Variants in SP140L observed in about 807,000 individuals in gnomAD.
The protein encoded by SP140L is nuclear body protein SP140-like protein.
Under a neutral mutation model 84.3 loss-of-function variants are expected in SP140L, and 64 were observed. The observed-to-expected ratio is 0.76, with a 90% confidence interval of 0.62 to 0.94. The LOEUF (loss-of-function observed/expected upper bound fraction) is 0.94, where lower values mean the gene tolerates loss of function less well. Ranked by LOEUF, SP140L falls within the 40% of genes least tolerant of loss-of-function variation. The probability of loss-of-function intolerance (pLI) is 0.00; values close to 1 mark genes in which losing one functional copy is unlikely to be tolerated. For missense variants in SP140L, 628 were observed against 692.5 expected, an observed-to-expected ratio of 0.91 and a Z score of 1.05; for synonymous variants, 242 against 236.9, an observed-to-expected ratio of 1.02 and a Z score of -0.20.
At chr2:230,395,485 T>C (rs2062008870) in intron 13 of SP140L, among the ~76,000 whole-genome samples, 1 of 151,824 alleles carries the variant, frequency 6.6e-6, no homozygotes, top group African/African-American at 2.4e-5. Context: ...GAGGCTGAGG[T>C]GGGAGGATCA....
intron 5 of SP140L, among the ~76,000 whole-genome samples, chr2:230,362,889 A>G (rs910617246): frequency 7.7e-6 from 1 of 129,850 alleles, no homozygotes; most frequent in African/African-American, 3.3e-5. Flanking sequence ...AAGATACAGA[A>G]AAAAAAAAAA....
At chr2:230,376,103 T>G (rs2061233264) in intron 7 of SP140L, among the ~76,000 whole-genome samples, 1 of 152,182 alleles carries the variant, frequency 6.6e-6, no homozygotes, top group African/African-American at 2.4e-5. Flanking sequence ...GCCAAATATC[T>G]CATTTCATTA....
At chr2:230,395,039 C>T (rs915125905) in intron 13 of SP140L, among the ~76,000 whole-genome samples, 9 of 149,786 alleles carry the variant, frequency 6.0e-5, no homozygotes, top group African/African-American at 1.5e-4. Flanking sequence ...GACTGGAGTG[C>T]GGTGGAGCAA....
intron 2 of SP140L, among the ~76,000 whole-genome samples, chr2:230,357,548 A>G (rs2060584777): frequency 6.6e-6 from 1 of 152,194 alleles, no homozygotes; most frequent in Admixed American, 6.5e-5. Context: ...AGGTGAAGAT[A>G]TCTTTACAAT....
At chr2:230,346,395 GC>G (rs2060209926) in intron 2 of SP140L, among the ~76,000 whole-genome samples, 1 of 152,046 alleles carries the variant, frequency 6.6e-6, no homozygotes, top group Non-Finnish European at 1.5e-5. Context: ...GGAACTTTGG[GC>G]CTCAAGAACA....
chr2:230,403,021 C>A lies in SP140L; in HGVS notation c.*125C>A. 2 of 693,228 alleles carry A rather than the reference C, an allele frequency of 2.9e-6. No individual in the cohort carries two copies. The highest frequency in any genetic ancestry group is 4.8e-6 in the Non-Finnish European group (2 of 417,054). 42.9% of individuals were successfully genotyped at this position (693,228 alleles called of 1,614,324 possible). ...TTTTCTCTGAGCCTCCCTCATCTGC[C>A]CAAAAACAAATCCTCAAAAGAAATT... On this transcript the variant is annotated 3_prime_UTR_variant, in exon 19 of 19. Coordinates refer to ENST00000415673, the MANE Select transcript of SP140L (RefSeq NM_138402.6).
At chr2:230,337,732 C>A (rs2059919882) in intron 2 of SP140L, among the ~76,000 whole-genome samples, 1 of 151,946 alleles carries the variant, frequency 6.6e-6, no homozygotes, top group Non-Finnish European at 1.5e-5. Context: ...GTTTTCCCAG[C>A]ACCATTTATT....
intron 2 of SP140L, among the ~76,000 whole-genome samples, chr2:230,332,637 C>A (rs1285815528): frequency 6.6e-6 from 1 of 152,206 alleles, no homozygotes; most frequent in Non-Finnish European, 1.5e-5. Context: ...ATTTCCTTTC[C>A]TGTGCAACAT....
intron 14 of SP140L, among the ~76,000 whole-genome samples, chr2:230,397,228 A>G (rs946770404): frequency 6.6e-6 from 1 of 152,246 alleles, no homozygotes; most frequent in Non-Finnish European, 1.5e-5. Flanking sequence ...TCCAAGGTGC[A>G]GGTGGAGCGA....
At chr2:230,389,459 T>A (rs1409335957) in intron 10 of SP140L, among the ~76,000 whole-genome samples, 2 of 152,154 alleles carry the variant, frequency 1.3e-5, no homozygotes, top group Non-Finnish European at 2.9e-5. Context: ...AGGCAGGTGC[T>A]GTCTCCATTA....
At chr2:230,332,386 A>G (rs140654105) in intron 2 of SP140L, among the ~76,000 whole-genome samples, 2,123 of 152,306 alleles carry the variant, frequency 0.014, 21 homozygotes, top group Non-Finnish European at 0.019. Context: ...TTCCTTCTGT[A>G]CTTACTTCTG....
At chr2:230,394,789 C>T (rs1419140373) in intron 13 of SP140L, among the ~76,000 whole-genome samples, 1 of 152,188 alleles carries the variant, frequency 6.6e-6, no homozygotes, top group Non-Finnish European at 1.5e-5. Flanking sequence ...CTGTGCCTCT[C>T]AGAGCTTCTC....
rs748816721 is a variant in SP140L at position 230,386,225 on chromosome 2, G to A, written c.784+921G>A. Among the ~76,000 whole-genome samples, 5 of 152,264 alleles carry A rather than the reference G, an allele frequency of 3.3e-5. 1 individual carries two copies. In the South Asian group the frequency reaches 8.3e-4, roughly 25 times the overall value. On this transcript the variant is annotated intron_variant, in intron 9 of 18. Coordinates refer to ENST00000415673, the MANE Select transcript of SP140L (RefSeq NM_138402.6). ...GGACTGGTGCATTGTCCTAGGATGC[G>A]GGTGCTTGGAACTTGGGTAATCAAC...
rs1177396999 is a variant in SP140L at position 230,403,714 on chromosome 2, T to C, written c.*818T>C. 1 of 152,104 alleles carries C rather than the reference T, an allele frequency of 6.6e-6. No individual in the cohort carries two copies. Among genetic ancestry groups the C allele is most frequent in the Non-Finnish European group, 1.5e-5 (1 of 68,028 alleles). 9.4% of individuals were successfully genotyped at this position (152,104 alleles called of 1,614,324 possible). ...TCCTGTGCAAACATATATTATTAAA[T>C]TTTTTTTCCTCCTGTCAATCTACTT... On this transcript the variant is annotated 3_prime_UTR_variant, in exon 19 of 19. Transcript: ENST00000415673.
chr2:230,398,465 G>A (rs1245909576), intron 14 of SP140L, among the ~76,000 whole-genome samples: 1 of 152,242 alleles, frequency 6.6e-6, no homozygotes, highest in Non-Finnish European at 1.5e-5. Context: ...ACAGCGTGTT[G>A]AGACTCAATT....
At chr2:230,353,879 C>T (rs1559419024) in intron 2 of SP140L, among the ~76,000 whole-genome samples, 1 of 152,054 alleles carries the variant, frequency 6.6e-6, no homozygotes, top group Non-Finnish European at 1.5e-5. Context: ...TCTGATTTCA[C>T]TCAATCAGTA....
At position 230,388,595 on chromosome 2, in the gene SP140L, A is replaced by G. The variant is rs1384812488; in HGVS notation, c.821A>G (p.Gln274Arg). The change falls in exon 10 of 19, where the codon CAG (glutamine) becomes CGG (arginine). Residue 274 changes from glutamine (Q) to arginine (R), a missense_variant. Transcript: ENST00000415673. ...GGCAAACCTGGAACCCACTTTACTC[A>G]GAGTGACAGAGCTCCACAGAAAAGA... is the stretch of plus-strand genomic sequence containing the variant. ...KRGKPGTHFT[Q>R]SDRAPQKRVR... The G allele has an allele frequency of 6.2e-7, 1 of 1,609,908 alleles. No homozygotes were observed. Among genetic ancestry groups the G allele is most frequent in the East Asian group, 2.2e-5 (1 of 44,818 alleles).
intron 2 of SP140L, among the ~76,000 whole-genome samples, chr2:230,354,861 GA>G (rs1261235621): frequency 1.0e-5 from 1 of 95,858 alleles, no homozygotes; most frequent in African/African-American, 3.7e-5. Context: ...AAGAAAGAAA[GA>G]AAGAAAGAAA....
At chr2:230,358,873 T>C in intron 3 of SP140L, 91 bp from the exon 4 acceptor site, 1 of 1,057,016 alleles carries the variant, frequency 9.5e-7, no homozygotes, top group South Asian at 1.8e-5. Context: ...TGAAGAGAAA[T>C]TGAAATTCAG....
Sources: gnomAD v4.1 joint callset for allele counts (sites outside exome capture counted in the v4.1 genomes callset) on GRCh38, gnomAD v4.1.1 for gene constraint, MANE v1.5 for transcripts, NCBI Gene and HGNC (gene_info 2026-07-23, HGNC 2026-07-21) for gene names.